AKT3: variants seen among roughly 807,000 people sequenced by gnomAD.
AKT3 encodes the protein AKT serine/threonine kinase 3.
In AKT3, 15 loss-of-function variants were observed where a neutral mutation model predicts 65.3. That is an observed-to-expected ratio of 0.23 (90% CI 0.15 to 0.35). AKT3 has a LOEUF of 0.35. Among genes scored for constraint, AKT3 ranks in the 10% least tolerant of loss-of-function variants. The pLI, the probability that AKT3 is intolerant of heterozygous loss-of-function variation, is 1.00. For missense variants in AKT3, 243 were observed against 576.5 expected (o/e 0.42, Z 5.92); for synonymous variants, 206 against 183.8 (o/e 1.12, Z -0.98).
intron 1 of AKT3, among the ~76,000 whole-genome samples, chr1:243,846,943 C>T (rs1421935111): frequency 6.6e-6 from 1 of 152,146 alleles, no homozygotes; most frequent in Non-Finnish European, 1.5e-5. Context: ...TAGAACAGTG[C>T]CTGGCACATG....
At chr1:243,532,118 A>C (rs1357816757) in intron 12 of AKT3, among the ~76,000 whole-genome samples, 1 of 151,782 alleles carries the variant, frequency 6.6e-6, no homozygotes, top group Non-Finnish European at 1.5e-5. Flanking sequence ...CTCTTATTTA[A>C]CTCCTCTGGC....
At chr1:243,843,559 A>C (rs1296110240) in intron 1 of AKT3, 1 of 1,036,754 alleles carries the variant, frequency 9.6e-7, no homozygotes. Flanking sequence ...TAATAGAGAA[A>C]ATTTGTTTGG....
intron 2 of AKT3, among the ~76,000 whole-genome samples, chr1:243,807,706 T>C (rs1037808851): frequency 3.3e-5 from 5 of 152,202 alleles, no homozygotes; most frequent in African/African-American, 7.2e-5. Context: ...AGCACAGAGC[T>C]TGAGATCTGA....
chr1:243,570,204 C>T (rs181507059), intron 9 of AKT3, among the ~76,000 whole-genome samples: 2 of 152,236 alleles, frequency 1.3e-5, no homozygotes, highest in Non-Finnish European at 2.9e-5. Context: ...CAGCGGCAAA[C>T]GGGTATGGAT....
At chr1:243,673,903 G>A (rs2147950557) in intron 3 of AKT3, among the ~76,000 whole-genome samples, 1 of 152,260 alleles carries the variant, frequency 6.6e-6, no homozygotes, top group East Asian at 1.9e-4. Context: ...GTGAGCCACT[G>A]TGCCCGGTCT....
intron 2 of AKT3, among the ~76,000 whole-genome samples, chr1:243,745,038 A>G (rs939649055): frequency 1.3e-5 from 2 of 152,168 alleles, no homozygotes; most frequent in Non-Finnish European, 2.9e-5. Context: ...GTTCTAAAAT[A>G]AAAGTAGGCT....
At chr1:243,776,815 G>T (rs1690582558) in intron 2 of AKT3, among the ~76,000 whole-genome samples, 1 of 152,172 alleles carries the variant, frequency 6.6e-6, no homozygotes, top group Non-Finnish European at 1.5e-5. Context: ...AATGTATCAT[G>T]AGTTGTGCTA....
intron 2 of AKT3, among the ~76,000 whole-genome samples, chr1:243,758,829 G>A (rs1689308680): frequency 6.6e-6 from 1 of 152,162 alleles, no homozygotes; most frequent in Non-Finnish European, 1.5e-5. Context: ...CTCTTGCTGT[G>A]TGTCCCAGGT....
At chr1:243,836,381 T>C (rs1396515249) in intron 2 of AKT3, among the ~76,000 whole-genome samples, 1 of 149,614 alleles carries the variant, frequency 6.7e-6, no homozygotes, top group Non-Finnish European at 1.5e-5. Context: ...CTTCAAAATA[T>C]ATAAAATTAA....
intron 2 of AKT3, among the ~76,000 whole-genome samples, chr1:243,808,821 A>C (rs2148390399): frequency 6.6e-6 from 1 of 152,374 alleles, no homozygotes; most frequent in East Asian, 1.9e-4. Flanking sequence ...CATCAGACTA[A>C]CAGCTGATCT....
At position 243,501,780 on chromosome 1, in the gene AKT3, GCTTT is replaced by G; in HGVS notation, c.*3465_*3468del. 1 of 232,864 alleles carries G rather than the reference GCTTT, an allele frequency of 4.3e-6. No homozygotes were observed. The highest frequency in any genetic ancestry group is 8.5e-6 in the Non-Finnish European group (1 of 117,840). 14.4% of individuals were successfully genotyped at this position (232,864 alleles called of 1,614,324 possible). On this transcript the variant is annotated 3_prime_UTR_variant, in exon 14 of 14. Transcript: ENST00000673466. ...CAGAGAAGTAGCAGATTGACATAGT[GCTTT>G]ATTTAAGCTGTCTGTACGAAGGAAA...
At chr1:243,594,604 G>C (rs925444641) in intron 8 of AKT3, among the ~76,000 whole-genome samples, 22 of 152,128 alleles carry the variant, frequency 1.4e-4, no homozygotes, top group Admixed American at 2.6e-4. Flanking sequence ...AGGTACCCAA[G>C]TCACACAATC....
chr1:243,514,770 G>C (rs1211882310), intron 12 of AKT3, among the ~76,000 whole-genome samples: 1 of 152,148 alleles, frequency 6.6e-6, no homozygotes, highest in Non-Finnish European at 1.5e-5. Flanking sequence ...AGGTTGCTGT[G>C]AGCCAAGATT....
intron 6 of AKT3, among the ~76,000 whole-genome samples, chr1:243,631,622 T>A (rs956682336): frequency 2.0e-5 from 3 of 152,188 alleles, no homozygotes; most frequent in African/African-American, 2.4e-5. Flanking sequence ...ACAATGAAGT[T>A]TCCCATATTG....
intron 2 of AKT3, among the ~76,000 whole-genome samples, chr1:243,728,149 G>C (rs1406693550): frequency 1.3e-5 from 2 of 152,168 alleles, no homozygotes; most frequent in Non-Finnish European, 2.9e-5. Context: ...GTTCATCACA[G>C]CAAACTCCTG....
At chr1:243,847,271 T>C (rs762741002) in intron 1 of AKT3, among the ~76,000 whole-genome samples, 1 of 152,192 alleles carries the variant, frequency 6.6e-6, no homozygotes, top group Non-Finnish European at 1.5e-5. Flanking sequence ...AAATCTAAGA[T>C]AGTTTTAAAT....
At chr1:243,683,652 G>C (rs1159972366) in intron 3 of AKT3, among the ~76,000 whole-genome samples, 1 of 152,054 alleles carries the variant, frequency 6.6e-6, no homozygotes. Flanking sequence ...AGTTGAGTGA[G>C]ACAGAAAGGG....
intron 2 of AKT3, among the ~76,000 whole-genome samples, chr1:243,740,456 G>C (rs1353469842): frequency 1.3e-5 from 2 of 152,190 alleles, no homozygotes; most frequent in Non-Finnish European, 2.9e-5. Flanking sequence ...TTGGTATGCA[G>C]GATTCTGCTG....
chr1:243,727,509 G>A (rs1687285460), intron 2 of AKT3, among the ~76,000 whole-genome samples: 1 of 152,002 alleles, frequency 6.6e-6, no homozygotes, highest in Non-Finnish European at 1.5e-5. Context: ...TAGAACTCTT[G>A]GCCTCAAATG....
Sources: allele counts gnomAD v4.1 joint callset (sites outside exome capture counted in the v4.1 genomes callset), GRCh38; gene constraint gnomAD v4.1.1; transcripts MANE v1.5; gene names NCBI Gene and HGNC (gene_info 2026-07-23, HGNC 2026-07-21).